NXPE2: variants seen among roughly 807,000 people sequenced by gnomAD.
NXPE2 encodes neurexophilin and PC-esterase domain family member 2.
Under a neutral mutation model 34.4 loss-of-function variants are expected in NXPE2, and 34 were observed. The observed-to-expected ratio is 0.99, with a 90% CI of 0.75 to 1.31. The LOEUF (loss-of-function observed/expected upper bound fraction) is 1.31. Ranked by LOEUF, NXPE2 falls within the 40% of genes most tolerant of loss-of-function variation. NXPE2 has a pLI of 0.00. For missense variants in NXPE2, 649 were observed against 672.5 expected (o/e 0.97, Z 0.39); for synonymous variants, 235 against 231.3 (o/e 1.02, Z -0.15).
intron 2 of NXPE2, among the ~76,000 whole-genome samples, chr11:114,684,770 G>A (rs942731751): frequency 1.3e-5 from 2 of 152,128 alleles, no homozygotes; most frequent in Non-Finnish European, 2.9e-5. Flanking sequence ...TATGGAAAAA[G>A]GCTAATAGAA....
At chr11:114,720,196 A>G in the NXPE2 span, among the ~76,000 whole-genome samples, 1 of 152,218 alleles carries the variant, frequency 6.6e-6, no homozygotes, top group Non-Finnish European at 1.5e-5. Context: ...CAGTGCAAGT[A>G]GAATGAATGG....
chr11:114,669,863 G>A, the NXPE2 span, among the ~76,000 whole-genome samples: 1 of 152,048 alleles, frequency 6.6e-6, no homozygotes, highest in Non-Finnish European at 1.5e-5. Context: ...GGAACACTAA[G>A]CATGTGGGAG....
chr11:114,468,407 C>CTT, the NXPE2 span, among the ~76,000 whole-genome samples: 1 of 152,262 alleles, frequency 6.6e-6, no homozygotes, highest in South Asian at 2.1e-4. Flanking sequence ...TACCACTGGG[C>CTT]TTTTGCATGG....
chr11:114,768,045 T>G, the NXPE2 span, among the ~76,000 whole-genome samples: 2 of 152,218 alleles, frequency 1.3e-5, no homozygotes, highest in African/African-American at 4.8e-5. Flanking sequence ...GCAAAGAACC[T>G]GGAACATTTA....
At chr11:114,562,736 C>T in the NXPE2 span, among the ~76,000 whole-genome samples, 1 of 152,146 alleles carries the variant, frequency 6.6e-6, no homozygotes, top group Admixed American at 6.6e-5. Flanking sequence ...CTTAATGACT[C>T]ATATGAGTGG....
intron 2 of NXPE2, among the ~76,000 whole-genome samples, chr11:114,688,591 C>T (rs966108053): frequency 4.6e-5 from 7 of 151,990 alleles, no homozygotes; most frequent in Admixed American, 2.6e-4. Context: ...CAGAATGATA[C>T]TGGTTTTGTA....
the NXPE2 span, among the ~76,000 whole-genome samples, chr11:114,640,411 G>A: frequency 2.0e-5 from 3 of 151,084 alleles, no homozygotes; most frequent in Non-Finnish European, 4.4e-5. Flanking sequence ...GAATTGTGCT[G>A]CAATATATAT....
chr11:114,551,401 C>A, the NXPE2 span: 1 of 1,338,160 alleles, frequency 7.5e-7, no homozygotes, highest in Non-Finnish European at 9.5e-7. Flanking sequence ...TACTTCTTGT[C>A]GAGGTTTCAC....
chr11:114,639,744 T>C, the NXPE2 span, among the ~76,000 whole-genome samples: 4 of 128,606 alleles, frequency 3.1e-5, no homozygotes, highest in African/African-American at 1.2e-4. Flanking sequence ...TAAAATAATA[T>C]ATAATATATA....
At chr11:114,737,407 A>T in the NXPE2 span, among the ~76,000 whole-genome samples, 1 of 152,214 alleles carries the variant, frequency 6.6e-6, no homozygotes, top group Non-Finnish European at 1.5e-5. Flanking sequence ...AAGAAACAGC[A>T]ATACATTTTT....
the NXPE2 span, among the ~76,000 whole-genome samples, chr11:114,762,690 C>A: frequency 6.6e-6 from 1 of 152,170 alleles, no homozygotes; most frequent in Non-Finnish European, 1.5e-5. Context: ...TGGGAAGATT[C>A]CCTGGACACC....
chr11:114,651,379 G>A, the NXPE2 span, among the ~76,000 whole-genome samples: 2 of 152,060 alleles, frequency 1.3e-5, no homozygotes. Context: ...TGGGTTCGTG[G>A]TCTCGTGGTC....
chr11:114,592,436 C>T, the NXPE2 span, among the ~76,000 whole-genome samples: 5 of 151,794 alleles, frequency 3.3e-5, no homozygotes, highest in Non-Finnish European at 5.9e-5. Flanking sequence ...GCTACAAAAA[C>T]CCTAGGAATA....
chr11:114,566,508 G>A, the NXPE2 span, among the ~76,000 whole-genome samples: 1 of 152,182 alleles, frequency 6.6e-6, no homozygotes, highest in African/African-American at 2.4e-5. Flanking sequence ...GTAGCCATTG[G>A]ATTTAGCAAC....
chr11:114,492,022 G>T, the NXPE2 span, among the ~76,000 whole-genome samples: 2 of 152,054 alleles, frequency 1.3e-5, no homozygotes, highest in East Asian at 1.9e-4. Flanking sequence ...GGTCGGGGGA[G>T]GGGGGACGGA....
the NXPE2 span, among the ~76,000 whole-genome samples, chr11:114,748,646 T>G: frequency 3.3e-5 from 5 of 152,222 alleles, no homozygotes; most frequent in African/African-American, 1.2e-4. Flanking sequence ...TTGGCAGGAA[T>G]ATCACATAAG....
At chr11:114,602,565 T>G in the NXPE2 span, among the ~76,000 whole-genome samples, 2 of 139,698 alleles carry the variant, frequency 1.4e-5, no homozygotes, top group East Asian at 4.2e-4. Flanking sequence ...ATTATATCAT[T>G]TATAATAATT....
chr11:114,597,097 G>A, the NXPE2 span, among the ~76,000 whole-genome samples: 1 of 103,602 alleles, frequency 9.7e-6, no homozygotes, highest in Non-Finnish European at 2.0e-5. Flanking sequence ...GTGTGAATTG[G>A]GATAATATTA....
the NXPE2 span, among the ~76,000 whole-genome samples, chr11:114,607,051 C>T: frequency 3.2e-3 from 487 of 152,084 alleles, no homozygotes; most frequent in African/African-American, 0.011. Context: ...ATAAGTATTG[C>T]CTCGTGGGTA....
Sources: allele counts gnomAD v4.1 joint callset (sites outside exome capture counted in the v4.1 genomes callset), GRCh38; gene constraint gnomAD v4.1.1; transcripts MANE v1.5; gene names NCBI Gene and HGNC (gene_info 2026-07-23, HGNC 2026-07-21).